The following PALS1 variants were observed in gnomAD, a reference collection of about 807,000 sequenced individuals.
The protein encoded by PALS1 is protein associated with LIN7 1, MAGUK p55 family member.
A neutral mutation model predicts 78.9 loss-of-function variants in PALS1; 31 were observed. That is an observed-to-expected ratio of 0.39 (90% CI 0.30 to 0.53). The LOEUF (loss-of-function observed/expected upper bound fraction) is 0.53, where lower values mean the gene tolerates loss of function less well. Among genes scored for constraint, PALS1 ranks in the 20% least tolerant of loss-of-function variants. The pLI is 0.67. For missense variants in PALS1, 704 were observed against 826.5 expected, an observed-to-expected ratio of 0.85 and a Z score of 1.82; for synonymous variants, 276 against 270.9, an observed-to-expected ratio of 1.02 and a Z score of -0.18.
chr14:67,310,038 T>TATTA (rs10693170), intron 8 of PALS1, among the ~76,000 whole-genome samples: 45,297 of 150,820 alleles, frequency 0.3, 10,275 homozygotes, highest in African/African-American at 0.61. Flanking sequence ...CTAGAAGTAT[T>TATTA]ATTGATAGGA....
At chr14:67,250,039 G>C (rs964610866) in intron 1 of PALS1, among the ~76,000 whole-genome samples, 1 of 152,106 alleles carries the variant, frequency 6.6e-6, no homozygotes, top group Non-Finnish European at 1.5e-5. Context: ...GTTCTATTTT[G>C]TTTTTTATGA....
At chr14:67,295,387 G>C (rs2084832892) in intron 4 of PALS1, among the ~76,000 whole-genome samples, 1 of 151,960 alleles carries the variant, frequency 6.6e-6, no homozygotes, top group South Asian at 2.1e-4. Flanking sequence ...CTGCTTGGGA[G>C]GCTGAGGCAG....
chr14:67,287,824 C>A (rs1475942431), intron 3 of PALS1, among the ~76,000 whole-genome samples: 1 of 152,206 alleles, frequency 6.6e-6, no homozygotes, highest in East Asian at 1.9e-4. Flanking sequence ...CAGTAGTTAA[C>A]AGCCGAAAGG....
intron 4 of PALS1, among the ~76,000 whole-genome samples, chr14:67,299,092 G>C (rs1015260251): frequency 6.6e-6 from 1 of 152,166 alleles, no homozygotes; most frequent in Admixed American, 6.5e-5. Context: ...GTTGTTTCCT[G>C]TTTATGATTC....
At position 67,311,383 on chromosome 14, in the gene PALS1, T is replaced by C. The variant is rs149949186; in HGVS notation, c.1042-1144T>C. ...AATGGACCTTGAATTCTTAGACTGT[T>C]TGTCTTTTGCTTGGTTCGTTGAGCC... On this transcript the variant is annotated intron_variant, in intron 8 of 14. Coordinates refer to ENST00000261681, the MANE Select transcript of PALS1 (RefSeq NM_022474.4). Among the ~76,000 whole-genome samples, 362 of 152,060 alleles carry C rather than the reference T, an allele frequency of 2.4e-3. 2 individuals carry two copies. Among genetic ancestry groups the C allele is most frequent in the African/African-American group, 8.3e-3 (346 of 41,450 alleles).
At chr14:67,270,290 G>C (rs1159988767) in intron 2 of PALS1, 1 of 152,172 alleles carries the variant, frequency 6.6e-6, no homozygotes, top group African/African-American at 2.4e-5. Flanking sequence ...CATTGAAACA[G>C]CTTCGGCATG....
In PALS1 at chr14:67,268,467, AT is replaced by A. The variant is rs573286847; in HGVS notation, c.-236-1233del. On this transcript the variant is annotated intron_variant, in intron 1 of 14. Transcript: ENST00000261681. ...AAAGGAATGAAAGAATGGCTACTCC[AT>A]AGGCAGAACACCGACATGTTACTTC... is the stretch of plus-strand genomic sequence containing the variant. 1.8e-4 allele frequency among the ~76,000 whole-genome samples: 28 copies of A among 152,336 alleles called. No homozygotes were observed. In the East Asian group the frequency reaches 3.7e-3, roughly 20 times the overall value.
intron 1 of PALS1, among the ~76,000 whole-genome samples, chr14:67,249,628 C>T (rs1595559250): frequency 6.6e-6 from 1 of 152,204 alleles, no homozygotes; most frequent in African/African-American, 2.4e-5. Context: ...AATTATGTGT[C>T]TATAGTTATC....
At chr14:67,248,816 A>G (rs2084022712) in intron 1 of PALS1, among the ~76,000 whole-genome samples, 1 of 151,860 alleles carries the variant, frequency 6.6e-6, no homozygotes, top group Admixed American at 6.6e-5. Context: ...TTTACATACC[A>G]ACATTTTTAT....
At chr14:67,325,122 G>T (rs1169210153) in intron 14 of PALS1, among the ~76,000 whole-genome samples, 1 of 151,824 alleles carries the variant, frequency 6.6e-6, no homozygotes, top group Non-Finnish European at 1.5e-5. Context: ...AGCCAGGATG[G>T]TCTTGATCTC....
intron 9 of PALS1, among the ~76,000 whole-genome samples, chr14:67,313,360 G>A (rs1332145986): frequency 6.6e-6 from 1 of 152,188 alleles, no homozygotes; most frequent in Non-Finnish European, 1.5e-5. Flanking sequence ...ACATCACTGA[G>A]TGTATTTACA....
chr14:67,323,232 C>CGTGTGTGTGTGTGTGTGTGTGT (rs35018637), intron 13 of PALS1, among the ~76,000 whole-genome samples: 21 of 143,592 alleles, frequency 1.5e-4, no homozygotes, highest in African/African-American at 5.2e-4. Flanking sequence ...CATATATACA[C>CGTGTGTGTGTGTGTGTGTGTGT]GTGTGTGTGT....
chr14:67,293,983 A>G (rs983472430), intron 4 of PALS1, among the ~76,000 whole-genome samples: 3 of 152,172 alleles, frequency 2.0e-5, no homozygotes, highest in Non-Finnish European at 4.4e-5. Context: ...AAAAGAAACA[A>G]CTTAGCTTAA....
chr14:67,256,440 T>C (rs1372311100), intron 1 of PALS1, among the ~76,000 whole-genome samples: 1 of 152,230 alleles, frequency 6.6e-6, no homozygotes, highest in Non-Finnish European at 1.5e-5. Context: ...ACCATGAAAT[T>C]AATTTTAACA....
intron 11 of PALS1, among the ~76,000 whole-genome samples, chr14:67,317,836 C>T (rs1181011823): frequency 1.3e-5 from 2 of 152,202 alleles, no homozygotes; most frequent in African/African-American, 4.8e-5. Context: ...GAACCCACTA[C>T]CTGCTGGCTA....
rs750293997 is a variant in PALS1 at position 67,303,615 on chromosome 14, A to G, written c.1041+16A>G. ...GGAAACAGTAGTAAGTGATTTTTAA[A>G]TGTTCATTATTTATGTGTTTGTGGA... On this transcript the variant is annotated intron_variant, in intron 8 of 14. Coordinates refer to ENST00000261681, the MANE Select transcript of PALS1 (RefSeq NM_022474.4). 1 of 1,586,630 alleles carries G rather than the reference A, an allele frequency of 6.3e-7. No homozygotes were observed. Among genetic ancestry groups the G allele is most frequent in the Admixed American group, 1.7e-5 (1 of 59,976 alleles).
chr14:67,293,524 C>G (rs530992842), intron 4 of PALS1, among the ~76,000 whole-genome samples: 57 of 152,200 alleles, frequency 3.7e-4, no homozygotes, highest in African/African-American at 1.3e-3. Context: ...TAGATTAGCA[C>G]ATAATTGTCC....
rs1453736374 is a variant in PALS1 at position 67,320,320 on chromosome 14, C to T, written c.1460C>T (p.Pro487Leu). Reference sequence around the variant, plus strand: ...AAGAGACCTATCATCTTGATTGGTCCACAGAACTGTGGCCAGAATGAATTG... The same window carrying T: ...AAGAGACCTATCATCTTGATTGGTCTACAGAACTGTGGCCAGAATGAATTG... Reference protein sequence around the residue: ...NRKRPIILIGPQNCGQNELRQ... With the variant: ...NRKRPIILIGLQNCGQNELRQ... Residue 487 changes from proline to leucine, a missense_variant, in exon 12 of 15, where the codon CCA (proline) becomes CTA (leucine). By Grantham distance (98) the Pro-to-Leu change is moderately conservative. Coordinates refer to ENST00000261681, the MANE Select transcript of PALS1 (RefSeq NM_022474.4). 1.1e-5 allele frequency: 17 copies of T among 1,613,568 alleles called. No individual in the cohort carries two copies. In the East Asian group the frequency reaches 3.6e-4, roughly 34 times the overall value.
intron 3 of PALS1, among the ~76,000 whole-genome samples, chr14:67,284,429 T>TAAAAAAAAAAAAAAAATAAAAA: frequency 1.1e-5 from 1 of 92,678 alleles, no homozygotes; most frequent in African/African-American, 6.3e-5. Context: ...CCCTATCTCT[T>TAAAAAAAAAAAAAAAATAAAAA]AAAAAAAAAA....
Sources: allele counts gnomAD v4.1 joint callset (sites outside exome capture counted in the v4.1 genomes callset), GRCh38; gene constraint gnomAD v4.1.1; transcripts MANE v1.5; gene names NCBI Gene and HGNC (gene_info 2026-07-23, HGNC 2026-07-21).